Variants in SYNPO2 observed in about 807,000 individuals in gnomAD.
The protein encoded by SYNPO2 is synaptopodin 2.
SYNPO2 carries 56 observed loss-of-function variants against 85.0 expected under a neutral mutation model. The observed-to-expected ratio is 0.66, with a 90% confidence interval of 0.53 to 0.82. SYNPO2 has a LOEUF of 0.82. Ranked by LOEUF, SYNPO2 falls within the 40% of genes least tolerant of loss-of-function variation. The pLI is 0.00. For synonymous variants in SYNPO2, 602 were observed against 591.1 expected, an observed-to-expected ratio of 1.02 and a Z score of -0.27; for missense variants, 1,575 against 1,534.2, an observed-to-expected ratio of 1.03 and a Z score of -0.44.
In SYNPO2 at chr4:118,942,842, C is replaced by G. The variant is rs1431824712; in HGVS notation, c.105+53701C>G. ...TGTCAGTTGGTCAGGTGCAGTGGCT[C>G]ACACCTATAATCCCAGCACTTTGGG... is the stretch of plus-strand genomic sequence containing the variant. On this transcript the variant is annotated intron_variant, in intron 1 of 4. Transcript: ENST00000307142. Among the ~76,000 whole-genome samples the G allele has an allele frequency of 2.6e-5, 4 of 152,166 alleles. No homozygotes were observed. The South Asian group carries it at 8.3e-4, about 32-fold the overall frequency.
At chr4:118,854,150 T>G (rs1731468601) in intron 1 of SYNPO2, among the ~76,000 whole-genome samples, 1 of 152,146 alleles carries the variant, frequency 6.6e-6, no homozygotes, top group Non-Finnish European at 1.5e-5. Flanking sequence ...CAATGGAACA[T>G]AACTGCTAAT....
intron 1 of SYNPO2, among the ~76,000 whole-genome samples, chr4:118,974,894 T>G (rs1307260068): frequency 6.6e-6 from 1 of 152,198 alleles, no homozygotes; most frequent in Non-Finnish European, 1.5e-5. Context: ...ACTTTAATGG[T>G]TTCCTTGTTT....
chr4:119,011,835 A>C (rs1035583352), intron 1 of SYNPO2, among the ~76,000 whole-genome samples: 3 of 152,068 alleles, frequency 2.0e-5, no homozygotes, highest in African/African-American at 4.8e-5. Flanking sequence ...GTAGTTTGGA[A>C]GCTAAATGGG....
At chr4:118,887,186 T>G (rs1732215170), upstream of SYNPO2, among the ~76,000 whole-genome samples, 1 of 151,778 alleles carries the variant, frequency 6.6e-6, no homozygotes, top group South Asian at 2.1e-4. Context: ...TGTGTGTGTG[T>G]GTGTGTGTGT....
At chr4:119,047,206 A>G (rs1738898642) in intron 4 of SYNPO2, among the ~76,000 whole-genome samples, 1 of 152,150 alleles carries the variant, frequency 6.6e-6, no homozygotes, top group African/African-American at 2.4e-5. Context: ...GATTACAGGC[A>G]TGAGCCACCA....
At chr4:118,921,843 C>T (rs1029270705) in intron 1 of SYNPO2, among the ~76,000 whole-genome samples, 5 of 151,786 alleles carry the variant, frequency 3.3e-5, no homozygotes, top group African/African-American at 1.2e-4. Context: ...TTGCTTCTCC[C>T]TCAATATGCA....
intron 1 of SYNPO2, among the ~76,000 whole-genome samples, chr4:118,867,597 C>A (rs111464307): frequency 0.01 from 1,524 of 151,792 alleles, 25 homozygotes; most frequent in African/African-American, 0.035. Context: ...TCATGCCTAC[C>A]GATTTAAAAA....
chr4:119,018,992 A>G (rs2149182991), intron 1 of SYNPO2, among the ~76,000 whole-genome samples: 1 of 152,312 alleles, frequency 6.6e-6, no homozygotes, highest in South Asian at 2.1e-4. Context: ...GTTCTCACTT[A>G]TAAGTGGGAG....
At chr4:118,900,630 A>G (rs551712546) in intron 1 of SYNPO2, among the ~76,000 whole-genome samples, 4 of 147,690 alleles carry the variant, frequency 2.7e-5, no homozygotes, top group South Asian at 2.2e-4. Context: ...AATTTGATTT[A>G]AGGCACCTTT....
intron 2 of SYNPO2, among the ~76,000 whole-genome samples, chr4:119,025,136 T>C (rs912105251): frequency 1.3e-5 from 2 of 152,220 alleles, no homozygotes; most frequent in Non-Finnish European, 2.9e-5. Flanking sequence ...CTGATAAATG[T>C]TAATATTTAT....
At chr4:118,944,689 T>G (rs1236761316) in intron 1 of SYNPO2, among the ~76,000 whole-genome samples, 1 of 152,198 alleles carries the variant, frequency 6.6e-6, no homozygotes. Flanking sequence ...GCTTAGAATG[T>G]TTGTTTCAGT....
chr4:119,047,780 T>C (rs556158190), intron 4 of SYNPO2, among the ~76,000 whole-genome samples: 20 of 152,342 alleles, frequency 1.3e-4, no homozygotes, highest in Admixed American at 7.2e-4. Context: ...GAACTGTTTC[T>C]ACTGTCAAGA....
chr4:118,925,149 A>G (rs1733669960), intron 1 of SYNPO2, among the ~76,000 whole-genome samples: 1 of 152,178 alleles, frequency 6.6e-6, no homozygotes, highest in Admixed American at 6.6e-5. Context: ...AGTGCACCGA[A>G]GTTTTAAGAA....
chr4:118,950,699 G>A lies in SYNPO2; in HGVS notation c.105+61558G>A, dbSNP rs531854054. Among the ~76,000 whole-genome samples, 205 of 152,234 alleles carry A rather than the reference G, an allele frequency of 1.3e-3. 1 individual carries two copies. Among genetic ancestry groups the A allele is most frequent in the Admixed American group, 3.9e-3 (59 of 15,278 alleles). On this transcript the variant is annotated intron_variant, in intron 1 of 4. Transcript: ENST00000307142. Reference sequence around the variant, plus strand: ...ATGAAAATGTGCTCACAGGCAAGTGGACTATCTCTAGGAATCACCTAAGCC... The same window carrying A: ...ATGAAAATGTGCTCACAGGCAAGTGAACTATCTCTAGGAATCACCTAAGCC...
At chr4:118,927,389 A>G (rs1335701712) in intron 1 of SYNPO2, among the ~76,000 whole-genome samples, 1 of 152,114 alleles carries the variant, frequency 6.6e-6, no homozygotes, top group Non-Finnish European at 1.5e-5. Flanking sequence ...CCTAAAGATG[A>G]CCTTGACCAG....
chr4:118,883,794 C>G (rs186914172), intron 1 of SYNPO2, among the ~76,000 whole-genome samples: 87 of 151,500 alleles, frequency 5.7e-4, no homozygotes, highest in African/African-American at 2.1e-3. Context: ...GATCAGGGCT[C>G]TGGTTTCATT....
chr4:118,914,304 G>A (rs1296877778), intron 1 of SYNPO2, among the ~76,000 whole-genome samples: 1 of 152,160 alleles, frequency 6.6e-6, no homozygotes, highest in Non-Finnish European at 1.5e-5. Flanking sequence ...TCAGGAGAAT[G>A]GCCAGGGCTA....
At chr4:119,004,763 G>T (rs1383484412) in intron 1 of SYNPO2, among the ~76,000 whole-genome samples, 2 of 151,620 alleles carry the variant, frequency 1.3e-5, no homozygotes, top group African/African-American at 4.8e-5. Flanking sequence ...GGCTGGGTCA[G>T]ATGGTATTTC....
Position 119,026,613 on chromosome 4 carries a change from T to A in SYNPO2, c.258-14T>A. 6.4e-7 allele frequency: 1 copy of A among 1,566,362 alleles called. No individual in the cohort carries two copies. Among genetic ancestry groups the A allele is most frequent in the Non-Finnish European group, 8.6e-7 (1 of 1,158,780 alleles). On this transcript the variant is annotated splice_polypyrimidine_tract_variant and intron_variant, in intron 2 of 4. Coordinates refer to ENST00000307142, the MANE Select transcript of SYNPO2 (RefSeq NM_133477.3). The stretch of plus-strand genomic sequence containing the variant: ...GTCTGATTTAAGTGTCTGGAATGAT[T>A]TTTCTGTGTGCAGACCATCCAGTGG...
Sources: allele counts gnomAD v4.1 joint callset (sites outside exome capture counted in the v4.1 genomes callset), GRCh38; gene constraint gnomAD v4.1.1; transcripts MANE v1.5; gene names NCBI Gene and HGNC (gene_info 2026-07-23, HGNC 2026-07-21).